SLC24A4: variants seen among roughly 807,000 people sequenced by gnomAD.
SLC24A4 encodes sodium/potassium/calcium exchanger 4.
Under a neutral mutation model 79.0 loss-of-function variants are expected in SLC24A4, and 53 were observed. The ratio of observed to expected loss-of-function variants is 0.67; its 90% confidence interval spans 0.54 to 0.84. SLC24A4 has a LOEUF of 0.84. SLC24A4 is among the 40% of genes least tolerant of loss of function. The pLI is 0.00. For missense variants in SLC24A4, 731 were observed against 822.0 expected (o/e 0.89, Z 1.35); for synonymous variants, 323 against 323.8 (o/e 1.00, Z 0.03).
At chr14:92,474,823 A>ATGTG (rs1491299476) in intron 12 of SLC24A4, among the ~76,000 whole-genome samples, 164 of 8,886 alleles carry the variant, frequency 0.018, 4 homozygotes, top group African/African-American at 0.029. Context: ...ATATATATAC[A>ATGTG]TATATATGTG....
At chr14:92,411,733 C>T (rs944012876) in intron 2 of SLC24A4, among the ~76,000 whole-genome samples, 1 of 152,054 alleles carries the variant, frequency 6.6e-6, no homozygotes, top group Non-Finnish European at 1.5e-5. Context: ...CTTCCCACAC[C>T]AGCAATGATT....
At chr14:92,352,205 T>G (rs1249675884) in intron 2 of SLC24A4, among the ~76,000 whole-genome samples, 1 of 152,046 alleles carries the variant, frequency 6.6e-6, no homozygotes, top group African/African-American at 2.4e-5. Context: ...TGAACAGGTG[T>G]GGGAGGCAAT....
chr14:92,322,749 G>A (rs1457787748), upstream of SLC24A4: 1 of 151,846 alleles, frequency 6.6e-6, no homozygotes, highest in African/African-American at 2.4e-5. Flanking sequence ...AGCTCTGCAC[G>A]ACCAATTAAT....
rs116807328 is a variant in SLC24A4, at chr14:92,480,815, G to A, written c.1256-1865G>A. ...CCTTCTGTTATTGGTTTCTAATTCTGTTCCATTGTGGTTGGAGAACAGGAG... is the reference window on the plus strand; with the variant it reads ...CCTTCTGTTATTGGTTTCTAATTCTATTCCATTGTGGTTGGAGAACAGGAG... On this transcript the variant is annotated intron_variant, in intron 12 of 16. Transcript: ENST00000532405. 4.7e-3 allele frequency among the ~76,000 whole-genome samples: 717 copies of A among 152,106 alleles called. 4 individuals carry two copies. Among genetic ancestry groups the A allele is most frequent in the African/African-American group, 0.017 (693 of 41,486 alleles).
chr14:92,408,501 T>G (rs181209603), intron 2 of SLC24A4: 170 of 895,334 alleles, frequency 1.9e-4, no homozygotes, highest in Admixed American at 1.1e-3. Flanking sequence ...CTGTGAGGAG[T>G]GAGCCAAGGT....
Position 92,360,521 on chromosome 14 carries a change from G to C in SLC24A4, c.241+34543G>C, listed in dbSNP as rs146457185. ...TGTACTATTTATCCATTTGCAGTTAGATATTTGGTTTATGTCCTCTCTGGG... is the reference window on the plus strand; with the variant it reads ...TGTACTATTTATCCATTTGCAGTTACATATTTGGTTTATGTCCTCTCTGGG... On this transcript the variant is annotated intron_variant, in intron 2 of 16. Coordinates refer to ENST00000532405, the MANE Select transcript of SLC24A4 (RefSeq NM_153646.4). 1.3e-3 allele frequency among the ~76,000 whole-genome samples: 191 copies of C among 152,332 alleles called. 2 individuals carry two copies. Among genetic ancestry groups the C allele is most frequent in the Non-Finnish European group, 2.3e-3 (157 of 68,034 alleles).
chr14:92,440,596 A>T (rs1892436937), intron 4 of SLC24A4, among the ~76,000 whole-genome samples: 1 of 152,036 alleles, frequency 6.6e-6, no homozygotes, highest in South Asian at 2.1e-4. Context: ...GGGTGACTAC[A>T]GTGTAGGGCC....
intron 2 of SLC24A4, among the ~76,000 whole-genome samples, chr14:92,329,254 C>T (rs1398159649): frequency 6.6e-6 from 1 of 152,242 alleles, no homozygotes; most frequent in African/African-American, 2.4e-5. Context: ...CAAACGTGAG[C>T]CCACATCTCC....
At chr14:92,406,906 T>C (rs1595231328) in intron 2 of SLC24A4, among the ~76,000 whole-genome samples, 2 of 152,346 alleles carry the variant, frequency 1.3e-5, no homozygotes, top group East Asian at 3.9e-4. Flanking sequence ...AAACTTCTCC[T>C]GAGAAAATGG....
intron 11 of SLC24A4, among the ~76,000 whole-genome samples, chr14:92,454,487 C>A (rs1209665786): frequency 6.6e-6 from 1 of 152,152 alleles, no homozygotes. Context: ...TTCACTCTTG[C>A]TGTGTTTAAA....
intron 2 of SLC24A4, among the ~76,000 whole-genome samples, chr14:92,376,120 G>C (rs997249932): frequency 7.4e-6 from 1 of 135,408 alleles, no homozygotes; most frequent in Non-Finnish European, 1.5e-5. Flanking sequence ...CTGCAAGTGC[G>C]TGTTCCAACG....
At chr14:92,370,862 A>T (rs146140925) in intron 2 of SLC24A4, among the ~76,000 whole-genome samples, 1 of 152,196 alleles carries the variant, frequency 6.6e-6, no homozygotes, top group Non-Finnish European at 1.5e-5. Context: ...GAGGTCACAT[A>T]CAAAGGATCT....
chr14:92,405,504 A>G (rs764287551), intron 2 of SLC24A4, among the ~76,000 whole-genome samples: 40 of 152,220 alleles, frequency 2.6e-4, no homozygotes, highest in African/African-American at 5.8e-4. Flanking sequence ...TCACACTGCT[A>G]TAATGAACCA....
chr14:92,429,176 A>G (rs1411952449), intron 2 of SLC24A4, among the ~76,000 whole-genome samples: 1 of 152,122 alleles, frequency 6.6e-6, no homozygotes, highest in African/African-American at 2.4e-5. Flanking sequence ...ATAACAAACT[A>G]TGGTAAACTG....
At chr14:92,475,283 C>T (rs998165091) in intron 12 of SLC24A4, among the ~76,000 whole-genome samples, 1 of 152,100 alleles carries the variant, frequency 6.6e-6, no homozygotes, top group Non-Finnish European at 1.5e-5. Flanking sequence ...AAATGCAGAG[C>T]AATTAGGTAA....
intron 2 of SLC24A4, among the ~76,000 whole-genome samples, chr14:92,409,705 T>A (rs557001544): frequency 6.6e-6 from 1 of 152,166 alleles, no homozygotes; most frequent in East Asian, 1.9e-4. Context: ...TTGTTTGGTT[T>A]TTTTTTAAGA....
intron 2 of SLC24A4, among the ~76,000 whole-genome samples, chr14:92,422,087 C>G (rs10142236): frequency 0.41 from 62,867 of 152,082 alleles, 13,241 homozygotes; most frequent in Non-Finnish European, 0.44. Flanking sequence ...CTTTAACTAT[C>G]CTTCTGGGTA....
intron 2 of SLC24A4, among the ~76,000 whole-genome samples, chr14:92,368,319 G>A (rs2141681190): frequency 6.6e-6 from 1 of 152,272 alleles, no homozygotes; most frequent in African/African-American, 2.4e-5. Flanking sequence ...CCTTCACTGG[G>A]TTTATAAGAC....
intron 2 of SLC24A4, among the ~76,000 whole-genome samples, chr14:92,416,007 G>T (rs1595245800): frequency 6.6e-6 from 1 of 152,204 alleles, no homozygotes; most frequent in Middle Eastern, 3.4e-3. Flanking sequence ...GAAAACATAC[G>T]ATGTTTGGTT....
Sources: allele counts gnomAD v4.1 joint callset (sites outside exome capture counted in the v4.1 genomes callset), GRCh38; gene constraint gnomAD v4.1.1; transcripts MANE v1.5; gene names NCBI Gene and HGNC (gene_info 2026-07-23, HGNC 2026-07-21).